CYBRD1: variants seen among roughly 807,000 people sequenced by gnomAD.
CYBRD1 encodes the protein cytochrome b reductase 1.
A neutral mutation model predicts 21.9 loss-of-function variants in CYBRD1; 14 were observed. That is an observed-to-expected ratio of 0.64 (90% CI 0.42 to 1.00). The LOEUF (loss-of-function observed/expected upper bound fraction) is 1.00. CYBRD1 is among the 50% of genes least tolerant of loss of function. The pLI is 0.00. For missense variants in CYBRD1, 328 were observed against 352.5 expected, an observed-to-expected ratio of 0.93 and a Z score of 0.56; for synonymous variants, 146 against 136.5, an observed-to-expected ratio of 1.07 and a Z score of -0.48.
chr2:171,527,824 T>G (rs1697406766), intron 1 of CYBRD1, among the ~76,000 whole-genome samples: 1 of 152,162 alleles, frequency 6.6e-6, no homozygotes, highest in South Asian at 2.1e-4. Context: ...CCTCAGCTAC[T>G]GCCTCAGTTC....
chr2:171,553,297 G>A (rs569201460), intron 2 of CYBRD1, 49 bp from the exon 3 acceptor site: 206 of 1,597,154 alleles, frequency 1.3e-4, no homozygotes, highest in Admixed American at 7.9e-4. Flanking sequence ...TTTAAAATTA[G>A]TTTAGAACTT....
intron 1 of CYBRD1, among the ~76,000 whole-genome samples, chr2:171,536,169 G>A (rs1167673153): frequency 8.1e-6 from 1 of 123,112 alleles, no homozygotes; most frequent in African/African-American, 3.2e-5. Context: ...GTGTCTTGCT[G>A]TGTCACCCAG....
At chr2:171,526,379 C>T (rs1697386606) in intron 1 of CYBRD1, among the ~76,000 whole-genome samples, 1 of 152,022 alleles carries the variant, frequency 6.6e-6, no homozygotes, top group Non-Finnish European at 1.5e-5. Flanking sequence ...CCTCTCTCTC[C>T]TTGTCCCATT....
chr2:171,544,729 A>G (rs1697684787), intron 2 of CYBRD1, among the ~76,000 whole-genome samples: 1 of 152,192 alleles, frequency 6.6e-6, no homozygotes, highest in South Asian at 2.1e-4. Flanking sequence ...CATCCTATAG[A>G]GTATCTTATC....
rs1030736639 is a variant in CYBRD1, at chr2:171,555,669, A to G, written c.*842A>G. ...TTATTTTTGAAAGTACTCACACAGC[A>G]CTTACTATGCTCCAAACACTCCTCT... is the stretch of plus-strand genomic sequence containing the variant. On this transcript the variant is annotated 3_prime_UTR_variant, in exon 4 of 4. Transcript: ENST00000321348. 3 of 152,332 alleles carry G rather than the reference A, an allele frequency of 2.0e-5. No individual in the cohort carries two copies. Among genetic ancestry groups the G allele is most frequent in the African/African-American group, 7.2e-5 (3 of 41,474 alleles). 9.4% of individuals were successfully genotyped at this position (152,332 alleles called of 1,614,324 possible).
At chr2:171,550,076 T>A (rs1323988727) in intron 2 of CYBRD1, among the ~76,000 whole-genome samples, 2 of 152,178 alleles carry the variant, frequency 1.3e-5, no homozygotes, top group Admixed American at 6.5e-5. Flanking sequence ...GGTCAGAATG[T>A]GGCCCAGGCA....
chr2:171,551,814 C>T (rs1303978014), intron 2 of CYBRD1, among the ~76,000 whole-genome samples: 1 of 152,146 alleles, frequency 6.6e-6, no homozygotes, highest in Non-Finnish European at 1.5e-5. Context: ...ACAAAAAGTG[C>T]AACTGATCTC....
rs904977040 is a variant in CYBRD1, at chr2:171,556,706, G to A, written c.*1879G>A. On this transcript the variant is annotated 3_prime_UTR_variant, in exon 4 of 4. Transcript: ENST00000321348. ...TCTACTAAATTCTATTTCCAAAATT[G>A]GTAATAGAGCCAGAAGGATCCCCAG... The A allele has an allele frequency of 3.9e-5, 6 of 152,098 alleles. No individual in the cohort carries two copies. Among genetic ancestry groups the A allele is most frequent in the Middle Eastern group, 3.2e-3 (1 of 316 alleles). 9.4% of individuals were successfully genotyped at this position (152,098 alleles called of 1,614,324 possible).
chr2:171,532,431 T>C (rs1411582083), intron 1 of CYBRD1, among the ~76,000 whole-genome samples: 1 of 152,224 alleles, frequency 6.6e-6, no homozygotes, highest in Non-Finnish European at 1.5e-5. Flanking sequence ...TTTTTACTTA[T>C]TTGAAAGGGC....
In CYBRD1 at chr2:171,545,975, G is replaced by A. The variant is rs557266901; in HGVS notation, c.402+4182G>A. On this transcript the variant is annotated intron_variant, in intron 2 of 3. Coordinates refer to ENST00000321348, the MANE Select transcript of CYBRD1 (RefSeq NM_024843.4). ...TAAATATATTCTATTTTTAAACTTG[G>A]GTGAGTTAAAAACATATTTGTCTCA... is the stretch of plus-strand genomic sequence containing the variant. 4.7e-4 allele frequency among the ~76,000 whole-genome samples: 71 copies of A among 151,908 alleles called. 1 individual carries two copies. Among genetic ancestry groups the A allele is most frequent in the Non-Finnish European group, 8.5e-4 (58 of 67,972 alleles).
rs932373559 is a variant in CYBRD1, at chr2:171,558,094, G to T, written c.*3267G>T. The stretch of plus-strand genomic sequence containing the variant: ...GAAAAATATGCATCTATTTTTTCTT[G>T]ACTTCTTTTATATAGTAATAAAAGT... On this transcript the variant is annotated 3_prime_UTR_variant, in exon 4 of 4. Coordinates refer to ENST00000321348, the MANE Select transcript of CYBRD1 (RefSeq NM_024843.4). 1 of 151,226 alleles carries T rather than the reference G, an allele frequency of 6.6e-6. No homozygotes were observed. Among genetic ancestry groups the T allele is most frequent in the Non-Finnish European group, 1.5e-5 (1 of 67,814 alleles). The allele number at this position is 151,226 out of a possible 1,614,324, so 9.4% of individuals were successfully genotyped here.
At chr2:171,535,167 G>T (rs1697526738) in intron 1 of CYBRD1, among the ~76,000 whole-genome samples, 1 of 152,166 alleles carries the variant, frequency 6.6e-6, no homozygotes, top group Admixed American at 6.6e-5. Flanking sequence ...ACTCAAGCCA[G>T]AAACAAAACG....
intron 1 of CYBRD1, among the ~76,000 whole-genome samples, chr2:171,538,841 A>T (rs1697585499): frequency 6.6e-6 from 1 of 152,130 alleles, no homozygotes; most frequent in Non-Finnish European, 1.5e-5. Flanking sequence ...TCTGTTGCCC[A>T]GGCTGGAGTG....
intron 1 of CYBRD1, among the ~76,000 whole-genome samples, chr2:171,532,008 C>T (rs1472767718): frequency 6.6e-6 from 1 of 152,250 alleles, no homozygotes; most frequent in Non-Finnish European, 1.5e-5. Context: ...TTTGACTTTC[C>T]AGAGATTTTC....
intron 3 of CYBRD1, 138 bp from the exon 4 acceptor site, chr2:171,554,386 A>G (rs1683443804): frequency 4.1e-6 from 3 of 735,484 alleles, no homozygotes; most frequent in African/African-American, 1.8e-5. Context: ...AGCATAATTT[A>G]TATTTCTCCT....
At position 171,555,249 on chromosome 2, in the gene CYBRD1, A is replaced by G; in HGVS notation, c.*422A>G. On this transcript the variant is annotated 3_prime_UTR_variant, in exon 4 of 4. Coordinates refer to ENST00000321348, the MANE Select transcript of CYBRD1 (RefSeq NM_024843.4). ...TAGCGGGAAGCAGTCCTAAAAGTTT[A>G]AAATCCGATAAGGAATATCTGGGAC... The G allele has an allele frequency of 8.1e-6, 2 of 247,132 alleles. No individual in the cohort carries two copies. The highest frequency in any genetic ancestry group is 1.6e-5 in the Non-Finnish European group (2 of 126,878). 15.3% of individuals were successfully genotyped at this position (247,132 alleles called of 1,614,324 possible). A position where few individuals can be genotyped will look rare whatever the true frequency, so the allele number is the denominator to read the frequency against.
At chr2:171,534,868 A>G (rs765306243) in intron 1 of CYBRD1, among the ~76,000 whole-genome samples, 12 of 152,228 alleles carry the variant, frequency 7.9e-5, no homozygotes, top group Admixed American at 1.3e-4. Context: ...TAAGATTTTC[A>G]GCAACATAAA....
At chr2:171,540,348 C>G (rs566946184) in intron 1 of CYBRD1, among the ~76,000 whole-genome samples, 2 of 152,152 alleles carry the variant, frequency 1.3e-5, no homozygotes, top group South Asian at 2.1e-4. Flanking sequence ...AGTTGTAGAT[C>G]GTTTCTTTCC....
intron 1 of CYBRD1, among the ~76,000 whole-genome samples, chr2:171,529,531 C>CAAAAAAAAAAAAAAAAAAAAAAAAAAAAA (rs57600338): frequency 1.4e-5 from 1 of 69,260 alleles, no homozygotes; most frequent in Non-Finnish European, 2.5e-5. Context: ...AACTCTGTCT[C>CAAAAAAAAAAAAAAAAAAAAAAAAAAAAA]AAAAAAAAAA....
Sources: gnomAD v4.1 joint callset for allele counts (sites outside exome capture counted in the v4.1 genomes callset) on GRCh38, gnomAD v4.1.1 for gene constraint, MANE v1.5 for transcripts, NCBI Gene and HGNC (gene_info 2026-07-23, HGNC 2026-07-21) for gene names.